SNAP91: variants seen among roughly 807,000 people sequenced by gnomAD.
The protein encoded by SNAP91 is clathrin coat assembly protein AP180.
A neutral mutation model predicts 100.3 loss-of-function variants in SNAP91; 27 were observed. That is an observed-to-expected ratio of 0.27 (90% CI 0.20 to 0.37). The LOEUF is 0.37. SNAP91 is among the 10% of genes least tolerant of loss of function. The probability of loss-of-function intolerance (pLI) is 1.00; values close to 1 mark genes in which losing one functional copy is unlikely to be tolerated. For missense variants in SNAP91, 986 were observed against 1,123.7 expected, an observed-to-expected ratio of 0.88 and a Z score of 1.75; for synonymous variants, 404 against 398.6, an observed-to-expected ratio of 1.01 and a Z score of -0.16.
At chr6:83,667,845 T>C (rs1407366341) in intron 2 of SNAP91, among the ~76,000 whole-genome samples, 1 of 152,060 alleles carries the variant, frequency 6.6e-6, no homozygotes, top group Non-Finnish European at 1.5e-5. Flanking sequence ...CTAATTAAAC[T>C]AAAGAGCTTC....
At chr6:83,640,878 A>T (rs2097669363) in intron 8 of SNAP91, among the ~76,000 whole-genome samples, 1 of 152,162 alleles carries the variant, frequency 6.6e-6, no homozygotes, top group South Asian at 2.1e-4. Flanking sequence ...ATGCAGAATG[A>T]TCATCTGATT....
Position 83,659,064 on chromosome 6 carries a change from G to A in SNAP91, c.481C>T (p.Pro161Ser), listed in dbSNP as rs1429629573. The A allele has an allele frequency of 3.1e-6, 5 of 1,603,952 alleles. No homozygotes were observed. The highest frequency in any genetic ancestry group is 1.7e-4 in the Middle Eastern group (1 of 6,040). The change falls in exon 6 of 30, where the codon CCC becomes TCC. Residue 161 changes from proline (P) to serine (S), a missense_variant. Pro to Ser is a moderately conservative substitution (Grantham distance 74, BLOSUM62 -1). This residue lies in a region of SNAP91 where 330 missense variants were observed against 447.5 expected (regional missense o/e 0.74). Transcript: ENST00000369694. ...GGCATACTCTTTAGCAGCTTTTCGGGAGCCATTGTCCTCATTACACCATCG... is the reference window on the plus strand; with the variant it reads ...GGCATACTCTTTAGCAGCTTTTCGGAAGCCATTGTCCTCATTACACCATCG... The part of the protein sequence containing the change: ...GADGVMRTMA[P>S]EKLLKSMPIL...
intron 2 of SNAP91, among the ~76,000 whole-genome samples, chr6:83,684,699 A>C (rs773750825): frequency 7.2e-5 from 11 of 152,216 alleles, no homozygotes; most frequent in Non-Finnish European, 1.2e-4. Context: ...TTTTGAGAGA[A>C]CCATAATAAA....
intron 26 of SNAP91, among the ~76,000 whole-genome samples, chr6:83,566,208 G>C (rs1584227531): frequency 6.6e-6 from 1 of 152,200 alleles, no homozygotes; most frequent in East Asian, 1.9e-4. Flanking sequence ...TAAGGGTAAG[G>C]GGAAATTGAA....
At chr6:83,608,572 G>A (rs1341557557) in intron 12 of SNAP91, among the ~76,000 whole-genome samples, 2 of 152,052 alleles carry the variant, frequency 1.3e-5, no homozygotes, top group Non-Finnish European at 2.9e-5. Flanking sequence ...TGTTAGTGGA[G>A]ATGAGACATA....
chr6:83,647,082 T>TA (rs925287460), intron 7 of SNAP91, among the ~76,000 whole-genome samples: 1 of 151,804 alleles, frequency 6.6e-6, no homozygotes, highest in Non-Finnish European at 1.5e-5. Flanking sequence ...CCAGGAGTTT[T>TA]TTTTTTTTGT....
intron 7 of SNAP91, among the ~76,000 whole-genome samples, chr6:83,652,124 T>C (rs1004133295): frequency 2.0e-5 from 3 of 152,244 alleles, no homozygotes; most frequent in Admixed American, 1.3e-4. Context: ...AGACAACATA[T>C]AGTTGGGTCT....
chr6:83,560,928 G>C lies in SNAP91; in HGVS notation c.2462C>G (p.Thr821Ser). ...SAPLQGAVPP[T>S]SSVPPVAGAP... ...CCCGGCAACAGGAGGAACTGAACTG[G>C]TTGGAGGTACAGCTCCTTGCTACAC... Residue 821 changes from threonine to serine, a missense_variant, in exon 27 of 30, where the codon ACC becomes AGC. This residue lies in a region of SNAP91 where 575 missense variants were observed against 579.9 expected (regional missense o/e 0.99). Transcript: ENST00000369694. The C allele has an allele frequency of 1.2e-6, 2 of 1,610,906 alleles. No individual in the cohort carries two copies. Among genetic ancestry groups the C allele is most frequent in the Non-Finnish European group, 1.7e-6 (2 of 1,178,944 alleles).
intron 16 of SNAP91, among the ~76,000 whole-genome samples, chr6:83,599,932 T>C (rs1469443385): frequency 1.3e-5 from 2 of 152,088 alleles, no homozygotes; most frequent in Non-Finnish European, 2.9e-5. Context: ...CTACAGGTGC[T>C]TGCCACCACA....
intron 2 of SNAP91, among the ~76,000 whole-genome samples, chr6:83,676,772 A>T (rs1586972803): frequency 6.6e-6 from 1 of 152,320 alleles, no homozygotes; most frequent in South Asian, 2.1e-4. Context: ...ATATGGAGCA[A>T]AGACTGGGTG....
chr6:83,657,206 C>G (rs2098428715), intron 6 of SNAP91, among the ~76,000 whole-genome samples: 1 of 152,120 alleles, frequency 6.6e-6, no homozygotes, highest in South Asian at 2.1e-4. Flanking sequence ...CTTCTCCTAT[C>G]TAATAGTTTC....
chr6:83,645,131 C>T (rs1268923206), intron 7 of SNAP91, among the ~76,000 whole-genome samples: 1 of 152,114 alleles, frequency 6.6e-6, no homozygotes, highest in East Asian at 1.9e-4. Context: ...TTAACAAGTT[C>T]TCCAGATATT....
chr6:83,614,024 A>AT, intron 11 of SNAP91, among the ~76,000 whole-genome samples: 1 of 152,186 alleles, frequency 6.6e-6, no homozygotes, highest in Admixed American at 6.5e-5. Context: ...AACACAGCAA[A>AT]TGTCCATATT....
chr6:83,557,492 G>C (rs1206542856), intron 28 of SNAP91, among the ~76,000 whole-genome samples: 1 of 151,520 alleles, frequency 6.6e-6, no homozygotes. Flanking sequence ...ACAAGGCAAG[G>C]CCTCATCTCT....
At chr6:83,622,091 T>C (rs1014017579) in intron 9 of SNAP91, among the ~76,000 whole-genome samples, 2 of 152,104 alleles carry the variant, frequency 1.3e-5, no homozygotes, top group African/African-American at 4.8e-5. Context: ...ATATCCAAAA[T>C]GATACCAATA....
At chr6:83,668,133 C>A (rs961571372) in intron 2 of SNAP91, among the ~76,000 whole-genome samples, 5 of 152,230 alleles carry the variant, frequency 3.3e-5, no homozygotes, top group Admixed American at 1.3e-4. Context: ...AAATGAGATA[C>A]CATCTCACAC....
At chr6:83,641,595 C>CA (rs1229798142) in intron 7 of SNAP91, among the ~76,000 whole-genome samples, 3 of 152,110 alleles carry the variant, frequency 2.0e-5, no homozygotes, top group Non-Finnish European at 4.4e-5. Flanking sequence ...TATTAGCTCG[C>CA]AATAAACTAA....
At chr6:83,682,856 C>T (rs1230322394) in intron 2 of SNAP91, among the ~76,000 whole-genome samples, 1 of 151,516 alleles carries the variant, frequency 6.6e-6, no homozygotes, top group Non-Finnish European at 1.5e-5. Context: ...TAAGATCCCT[C>T]TCTTATGCCT....
At position 83,656,774 on chromosome 6, in the gene SNAP91, T is replaced by C. The variant is rs2098416584; in HGVS notation, c.638A>G (p.Asp213Gly). The C allele has an allele frequency of 1.3e-6, 2 of 1,584,376 alleles. No homozygotes were observed. Among genetic ancestry groups the C allele is most frequent in the Non-Finnish European group, 1.7e-6 (2 of 1,156,390 alleles). The change falls in exon 7 of 30, where the codon GAT becomes GGT. Residue 213 changes from aspartate to glycine, a missense_variant. Asp to Gly is a moderately conservative substitution (Grantham distance 94). Around this residue, in one of 4 missense-constraint regions of SNAP91, gnomAD observed 330 missense variants for 447.5 expected, o/e 0.74. Transcript: ENST00000369694. ...DLIKLFACYN[D>G]GVINLLEKFF... ...CCTACCGAGTAAGTTAATAACACCA[T>C]CATTGTAGCAAGCAAAAAGTTTGAT...
Sources: gnomAD v4.1 joint callset for allele counts (sites outside exome capture counted in the v4.1 genomes callset) on GRCh38, gnomAD v4.1.1 for gene constraint, gnomAD v4.1.1 regional missense constraint, MANE v1.5 for transcripts, NCBI Gene and HGNC (gene_info 2026-07-23, HGNC 2026-07-21) for gene names.